ATXN10: variants seen among roughly 807,000 people sequenced by gnomAD.
ATXN10 encodes the protein ataxin 10.
In ATXN10, 28 loss-of-function variants were observed where a neutral mutation model predicts 52.9. The ratio of observed to expected loss-of-function variants is 0.53; its 90% CI spans 0.39 to 0.73. The LOEUF (loss-of-function observed/expected upper bound fraction) is 0.73, where lower values mean the gene tolerates loss of function less well. Among genes scored for constraint, ATXN10 ranks in the 30% least tolerant of loss-of-function variants. ATXN10 has a pLI of 0.00. For synonymous variants in ATXN10, 226 were observed against 221.5 expected (o/e 1.02, Z -0.18); for missense variants, 565 against 577.0 (o/e 0.98, Z 0.21).
intron 9 of ATXN10, 189 bp downstream of exon 9, chr22:45,740,727 T>TAGATAC: frequency 2.6e-6 from 1 of 379,836 alleles, no homozygotes; most frequent in Non-Finnish European, 4.6e-6. Context: ...CACATATATA[T>TAGATAC]ACACACACAC....
chr22:45,819,489 C>A lies in ATXN10; in HGVS notation c.1237+12467C>A, dbSNP rs902862382. 2.6e-5 allele frequency among the ~76,000 whole-genome samples: 4 copies of A among 152,188 alleles called. No individual in the cohort carries two copies. The highest frequency in any genetic ancestry group is 6.5e-5 in the Admixed American group (1 of 15,284). Reference sequence around the variant, plus strand: ...CCCTTGCCGTGCTGCATAATGATGTCTCACTCTGTCCCCAGGTGGCTTTAC... The same window carrying A: ...CCCTTGCCGTGCTGCATAATGATGTATCACTCTGTCCCCAGGTGGCTTTAC... On this transcript the variant is annotated intron_variant, in intron 10 of 11. Transcript: ENST00000252934. The surrounding 1 kb of genome is among the most constrained non-coding windows in gnomAD (Gnocchi z 4.5).
At position 45,840,045 on chromosome 22, in the gene ATXN10, G is replaced by A. The variant is rs1222409992; in HGVS notation, c.1238-2946G>A. On this transcript the variant is annotated intron_variant, in intron 10 of 11. Transcript: ENST00000252934. The surrounding 1 kb of genome is among the most constrained non-coding windows in gnomAD (Gnocchi z 5.8). ...GGTCTTGTTGTGAGGAGTTCACAGT[G>A]CATTAGAGTATACAGAAATACAAAC... Among the ~76,000 whole-genome samples, 2 of 152,208 alleles carry A rather than the reference G, an allele frequency of 1.3e-5. No homozygotes were observed. Among genetic ancestry groups the A allele is most frequent in the African/African-American group, 4.8e-5 (2 of 41,444 alleles).
chr22:45,843,636 C>T lies in ATXN10; in HGVS notation c.1426-33C>T, dbSNP rs371346730. 3.1e-6 allele frequency: 5 copies of T among 1,607,782 alleles called. No homozygotes were observed. Among genetic ancestry groups the T allele is most frequent in the African/African-American group, 2.7e-5 (2 of 74,834 alleles). ...ATGAATCTTGTGAACAGATTTGCTA[C>T]ATCTGCAATTTTGTTTCTTTCTTCT... On this transcript the variant is annotated intron_variant, in intron 11 of 11. Transcript: ENST00000252934. This position sits in a 1 kb window ranked among gnomAD's most constrained non-coding sequence, Gnocchi z 4.5.
chr22:45,755,480 C>T (rs1490610168), intron 9 of ATXN10, among the ~76,000 whole-genome samples: 2 of 152,136 alleles, frequency 1.3e-5, no homozygotes, highest in African/African-American at 4.8e-5. Context: ...TCACTGCCTC[C>T]CAGGCTCTGC....
chr22:45,806,134 C>T (rs1311589766), intron 9 of ATXN10, among the ~76,000 whole-genome samples: 1 of 152,226 alleles, frequency 6.6e-6, no homozygotes, highest in Non-Finnish European at 1.5e-5. Context: ...TTGCTGCTTA[C>T]ACCCAGTTCC....
intron 9 of ATXN10, among the ~76,000 whole-genome samples, chr22:45,799,488 T>C (rs1409823824): frequency 5.3e-5 from 8 of 152,034 alleles, no homozygotes; most frequent in Admixed American, 2.6e-4. Context: ...AAGGGGAAAT[T>C]GGGCACAGAT....
chr22:45,746,979 T>C (rs111994704), intron 9 of ATXN10, among the ~76,000 whole-genome samples: 274 of 152,316 alleles, frequency 1.8e-3, no homozygotes, highest in African/African-American at 5.6e-3. Context: ...TATTTGGGTA[T>C]CACTCAATTT....
chr22:45,802,663 G>A (rs948831465), intron 9 of ATXN10, among the ~76,000 whole-genome samples: 2 of 152,088 alleles, frequency 1.3e-5, no homozygotes, highest in African/African-American at 2.4e-5. Context: ...ATCCAGGAAC[G>A]CATACCCTCA....
At chr22:45,809,311 C>T (rs547205496) in intron 10 of ATXN10, among the ~76,000 whole-genome samples, 1 of 152,318 alleles carries the variant, frequency 6.6e-6, no homozygotes, top group South Asian at 2.1e-4. Flanking sequence ...CACTCTTTCC[C>T]CCCCTTTCTT....
chr22:45,782,991 A>G (rs1927203083), intron 9 of ATXN10, among the ~76,000 whole-genome samples: 2 of 152,222 alleles, frequency 1.3e-5, no homozygotes, highest in Admixed American at 1.3e-4. Context: ...ATTGCTTACA[A>G]TTTCACAGAC....
At chr22:45,765,929 C>T (rs186173281) in intron 9 of ATXN10, among the ~76,000 whole-genome samples, 3 of 151,924 alleles carry the variant, frequency 2.0e-5, no homozygotes, top group East Asian at 3.9e-4. Context: ...CAGGAAATTC[C>T]CTGAAAAAGA....
At chr22:45,722,841 GT>G (rs991983348) in intron 6 of ATXN10, among the ~76,000 whole-genome samples, 3 of 151,632 alleles carry the variant, frequency 2.0e-5, no homozygotes, top group Admixed American at 6.6e-5. Context: ...ACTATTGTTC[GT>G]TTTTTTTCTT....
rs184991889 is a variant in ATXN10 at position 45,728,067 on chromosome 22, G to A, written c.729-1358G>A. On this transcript the variant is annotated intron_variant, in intron 6 of 11. Transcript: ENST00000252934. This position sits in a 1 kb window ranked among gnomAD's most constrained non-coding sequence, Gnocchi z 4.3. ...TCTGCCAATCTGTATCTTTTAAGTGGAGCATTTAGATGATTTATATTCAAT... is the reference window on the plus strand; with the variant it reads ...TCTGCCAATCTGTATCTTTTAAGTGAAGCATTTAGATGATTTATATTCAAT... Among the ~76,000 whole-genome samples, 1 of 151,900 alleles carries A rather than the reference G, an allele frequency of 6.6e-6. No individual in the cohort carries two copies. The highest frequency in any genetic ancestry group is 2.4e-5 in the African/African-American group (1 of 41,430).
intron 9 of ATXN10, among the ~76,000 whole-genome samples, chr22:45,803,903 C>A (rs1291354600): frequency 1.3e-5 from 2 of 152,050 alleles, no homozygotes; most frequent in African/African-American, 4.8e-5. Context: ...CATGATCCCC[C>A]CTCCAAGACC....
chr22:45,736,460 A>G (rs1358592579), intron 7 of ATXN10, among the ~76,000 whole-genome samples: 1 of 152,110 alleles, frequency 6.6e-6, no homozygotes, highest in African/African-American at 2.4e-5. Context: ...TATTTTGTTG[A>G]AACACCTTAC....
chr22:45,738,700 G>A (rs1325966325), intron 7 of ATXN10, 31 bp from the exon 8 acceptor site: 2 of 1,530,554 alleles, frequency 1.3e-6, no homozygotes, highest in East Asian at 4.5e-5. Flanking sequence ...CTTAAAATAT[G>A]CTAAAAAGTT....
chr22:45,705,677 A>G lies in ATXN10; in HGVS notation c.647+2830A>G, dbSNP rs976121299. On this transcript the variant is annotated intron_variant, in intron 5 of 11. Transcript: ENST00000252934. This position sits in a 1 kb window ranked among gnomAD's most constrained non-coding sequence, Gnocchi z 5.2. Reference sequence around the variant, plus strand: ...TATTGAACTCCTAATCTCATGAGCCACCTGCCTCAGCCTCCCAAAGTGCTG... The same window carrying G: ...TATTGAACTCCTAATCTCATGAGCCGCCTGCCTCAGCCTCCCAAAGTGCTG... 2.6e-5 allele frequency among the ~76,000 whole-genome samples: 4 copies of G among 152,040 alleles called. No individual in the cohort carries two copies. The highest frequency in any genetic ancestry group is 1.3e-4 in the Admixed American group (2 of 15,270).
intron 6 of ATXN10, among the ~76,000 whole-genome samples, chr22:45,725,957 T>C (rs760635629): frequency 6.9e-4 from 105 of 152,206 alleles, no homozygotes; most frequent in Non-Finnish European, 7.8e-4. Flanking sequence ...ATGAGTCACA[T>C]TTACTTGGGT....
chr22:45,786,566 A>C lies in ATXN10; in HGVS notation c.1174-20393A>C, dbSNP rs1486139464. ...TCGGAAGGATTGTTGGTTCTTCCTT[A>C]CTTAGGTCTCGTACCCACTCCAAGT... On this transcript the variant is annotated intron_variant, in intron 9 of 11. Transcript: ENST00000252934. The surrounding 1 kb of genome is among the most constrained non-coding windows in gnomAD (Gnocchi z 4.1). Among the ~76,000 whole-genome samples the C allele has an allele frequency of 1.3e-5, 2 of 152,178 alleles. No individual in the cohort carries two copies. The highest frequency in any genetic ancestry group is 2.9e-5 in the Non-Finnish European group (2 of 68,030).
Sources: allele counts gnomAD v4.1 joint callset (sites outside exome capture counted in the v4.1 genomes callset), GRCh38; gene constraint gnomAD v4.1.1; non-coding constraint Gnocchi (gnomAD v3.1); transcripts MANE v1.5; gene names NCBI Gene and HGNC (gene_info 2026-07-23, HGNC 2026-07-21).